CNTNAP2: variants seen among roughly 807,000 people sequenced by gnomAD.
The protein encoded by CNTNAP2 is contactin associated protein 2.
In CNTNAP2, 98 loss-of-function variants were observed where a neutral mutation model predicts 155.2. The observed-to-expected ratio is 0.63, with a 90% CI of 0.54 to 0.75. The LOEUF (loss-of-function observed/expected upper bound fraction) is 0.75. Among genes scored for constraint, CNTNAP2 ranks in the 30% least tolerant of loss-of-function variants. CNTNAP2 has a pLI of 0.00. For synonymous variants in CNTNAP2, 651 were observed against 631.2 expected (o/e 1.03, Z -0.47); for missense variants, 1,727 against 1,688.1 (o/e 1.02, Z -0.40).
Position 147,083,329 on chromosome 7 carries a change from T to A in CNTNAP2, c.551-24818T>A, listed in dbSNP as rs62481805. 3.9e-5 allele frequency: 6 copies of A among 152,018 alleles called. No homozygotes were observed. The South Asian group carries it at 1.2e-3, about 32-fold the overall frequency. 9.4% of individuals were successfully genotyped at this position (152,018 alleles called of 1,614,324 possible). On this transcript the variant is annotated intron_variant, in intron 4 of 23. Coordinates refer to ENST00000361727, the MANE Select transcript of CNTNAP2 (RefSeq NM_014141.6). ...ACGTAGTTTCGAGAGCCTTCAAAAG[T>A]ATTAATGACAAACTAACGTTTGGAA...
intron 3 of CNTNAP2, among the ~76,000 whole-genome samples, chr7:147,025,863 TTTA>T (rs112339988): frequency 0.2 from 30,258 of 150,196 alleles, 3,186 homozygotes; most frequent in African/African-American, 0.26. Flanking sequence ...TTTTTTTTTT[TTTA>T]AATTTTTATA....
intron 2 of CNTNAP2, among the ~76,000 whole-genome samples, chr7:146,791,226 T>C (rs1802668205): frequency 6.6e-6 from 1 of 152,160 alleles, no homozygotes; most frequent in South Asian, 2.1e-4. Context: ...TTGCTGAGAA[T>C]GGCGGTTTCC....
chr7:146,685,575 T>A (rs1384406296), intron 1 of CNTNAP2, among the ~76,000 whole-genome samples: 1 of 152,188 alleles, frequency 6.6e-6, no homozygotes, highest in Non-Finnish European at 1.5e-5. Context: ...CCGATTTATC[T>A]CTGCATTTCT....
At chr7:146,930,250 C>G (rs889907834) in intron 3 of CNTNAP2, among the ~76,000 whole-genome samples, 3 of 152,184 alleles carry the variant, frequency 2.0e-5, no homozygotes, top group African/African-American at 4.8e-5. Flanking sequence ...TCGGCAGAAA[C>G]TCTACAAGCC....
At chr7:146,254,578 G>C (rs1036845835) in intron 1 of CNTNAP2, among the ~76,000 whole-genome samples, 2 of 152,214 alleles carry the variant, frequency 1.3e-5, no homozygotes, top group Non-Finnish European at 2.9e-5. Flanking sequence ...GTTATTGGCA[G>C]AGACAGATGG....
intron 8 of CNTNAP2, among the ~76,000 whole-genome samples, chr7:147,264,101 T>C (rs1183496420): frequency 6.6e-6 from 1 of 152,124 alleles, no homozygotes; most frequent in Non-Finnish European, 1.5e-5. Flanking sequence ...CAAACAGATA[T>C]GGGGTAAACT....
At chr7:147,756,117 A>G (rs1797210837) in intron 13 of CNTNAP2, among the ~76,000 whole-genome samples, 1 of 152,196 alleles carries the variant, frequency 6.6e-6, no homozygotes, top group South Asian at 2.1e-4. Flanking sequence ...GCAACATCCA[A>G]TTTCAAAACG....
rs117250287 is a variant in CNTNAP2 at position 146,765,233 on chromosome 7, A to G, written c.98-9038A>G. Among the ~76,000 whole-genome samples the G allele has an allele frequency of 3.1e-3, 467 of 152,336 alleles. 1 individual carries two copies. The highest frequency in any genetic ancestry group is 5.2e-3 in the Admixed American group (80 of 15,300). On this transcript the variant is annotated intron_variant, in intron 1 of 23. Coordinates refer to ENST00000361727, the MANE Select transcript of CNTNAP2 (RefSeq NM_014141.6). ...GTCATGTACTGTACTGATGAGTTAG[A>G]CAAACCCTCTATATAATTCAGGGGT... is the stretch of plus-strand genomic sequence containing the variant.
At chr7:147,477,456 A>G (rs757233028) in intron 10 of CNTNAP2, among the ~76,000 whole-genome samples, 8 of 152,124 alleles carry the variant, frequency 5.3e-5, no homozygotes, top group Non-Finnish European at 1.2e-4. Flanking sequence ...CAGGTTTTTA[A>G]GATTTTCTAC....
At chr7:146,842,899 A>T (rs1171775960) in intron 3 of CNTNAP2, among the ~76,000 whole-genome samples, 1 of 141,708 alleles carries the variant, frequency 7.1e-6, no homozygotes, top group African/African-American at 2.6e-5. Context: ...GTTAGCCAGG[A>T]TGGTCTCCAT....
Position 146,968,680 on chromosome 7 carries a change from G to T in CNTNAP2, c.403-75227G>T, listed in dbSNP as rs183564501. ...TATCCCCTTTATCATTTTTTATTGT[G>T]TCTATTTAATTCTTCTCTCTTTTCT... On this transcript the variant is annotated intron_variant, in intron 3 of 23. Coordinates refer to ENST00000361727, the MANE Select transcript of CNTNAP2 (RefSeq NM_014141.6). Among the ~76,000 whole-genome samples, 3 of 151,934 alleles carry T rather than the reference G, an allele frequency of 2.0e-5. No homozygotes were observed. The East Asian group carries it at 5.8e-4, about 29-fold the overall frequency.
chr7:147,590,315 T>C (rs1800713411), intron 12 of CNTNAP2, among the ~76,000 whole-genome samples: 1 of 152,148 alleles, frequency 6.6e-6, no homozygotes, highest in Non-Finnish European at 1.5e-5. Flanking sequence ...TGTTGAATTG[T>C]AATAATCCCA....
intron 8 of CNTNAP2, among the ~76,000 whole-genome samples, chr7:147,285,769 A>G (rs138203130): frequency 7.2e-5 from 11 of 152,086 alleles, no homozygotes; most frequent in African/African-American, 2.2e-4. Flanking sequence ...CATTTCTCTA[A>G]CAGGATAACA....
intron 15 of CNTNAP2, among the ~76,000 whole-genome samples, chr7:148,039,791 A>C (rs1370538904): frequency 2.6e-5 from 4 of 152,194 alleles, no homozygotes; most frequent in Non-Finnish European, 5.9e-5. Context: ...CTGCTTTCTC[A>C]TCTAAGAGTT....
intron 1 of CNTNAP2, among the ~76,000 whole-genome samples, chr7:146,203,018 T>C (rs1798890383): frequency 6.6e-6 from 1 of 151,966 alleles, no homozygotes. Flanking sequence ...TGCAAAAGTT[T>C]TTTGTTCTGT....
At chr7:147,630,011 A>G (rs1055624085) in intron 12 of CNTNAP2, among the ~76,000 whole-genome samples, 16 of 152,090 alleles carry the variant, frequency 1.1e-4, no homozygotes, top group African/African-American at 3.9e-4. Flanking sequence ...ACAAAAAAAT[A>G]CAAAAGATAA....
intron 2 of CNTNAP2, among the ~76,000 whole-genome samples, chr7:146,814,030 A>G (rs1803118513): frequency 6.6e-6 from 1 of 152,176 alleles, no homozygotes; most frequent in Non-Finnish European, 1.5e-5. Context: ...GCCCTGCAGA[A>G]CTGTGAGTCA....
intron 8 of CNTNAP2, among the ~76,000 whole-genome samples, chr7:147,299,153 AG>A (rs1794893990): frequency 1.3e-5 from 2 of 152,308 alleles, no homozygotes; most frequent in African/African-American, 4.8e-5. Flanking sequence ...GTCATAGCAC[AG>A]GCCTTCACAG....
chr7:148,408,542 G>A (rs1174754623), intron 22 of CNTNAP2, among the ~76,000 whole-genome samples: 1 of 152,172 alleles, frequency 6.6e-6, no homozygotes, highest in Non-Finnish European at 1.5e-5. Flanking sequence ...TACCAAATAA[G>A]TACTTCTAAA....
Sources: gnomAD v4.1 joint callset for allele counts (sites outside exome capture counted in the v4.1 genomes callset) on GRCh38, gnomAD v4.1.1 for gene constraint, MANE v1.5 for transcripts, NCBI Gene and HGNC (gene_info 2026-07-23, HGNC 2026-07-21) for gene names.